ARMH3: variants seen among roughly 807,000 people sequenced by gnomAD.
ARMH3 encodes armadillo-like helical domain-containing protein 3.
Under a neutral mutation model 99.1 loss-of-function variants are expected in ARMH3, and 60 were observed. That is an observed-to-expected ratio of 0.61 (90% CI 0.49 to 0.75). The LOEUF (loss-of-function observed/expected upper bound fraction) is 0.75, where lower values mean the gene tolerates loss of function less well. Among genes scored for constraint, ARMH3 ranks in the 30% least tolerant of loss-of-function variants. The probability of loss-of-function intolerance (pLI) is 0.00; values close to 1 mark genes in which losing one functional copy is unlikely to be tolerated. For synonymous variants in ARMH3, 285 were observed against 292.8 expected (o/e 0.97, Z 0.27); for missense variants, 679 against 843.1 (o/e 0.81, Z 2.41).
At chr10:102,034,945 TAAGTA>T (rs2136218199) in intron 2 of ARMH3, among the ~76,000 whole-genome samples, 1 of 151,566 alleles carries the variant, frequency 6.6e-6, no homozygotes, top group African/African-American at 2.4e-5. Flanking sequence ...TAAAAATAAA[TAAGTA>T]AATAGGCCAG....
chr10:101,945,822 T>C (rs910611886), intron 22 of ARMH3, among the ~76,000 whole-genome samples: 10 of 150,180 alleles, frequency 6.7e-5, no homozygotes, highest in African/African-American at 2.0e-4. Context: ...GTGGCTCATG[T>C]CTGTAATCCC....
At chr10:101,890,850 T>A (rs2067672104) in intron 23 of ARMH3, among the ~76,000 whole-genome samples, 2 of 151,980 alleles carry the variant, frequency 1.3e-5, no homozygotes, top group South Asian at 4.2e-4. Context: ...ACAGGGGACA[T>A]TCTACAGGAT....
intron 2 of ARMH3, among the ~76,000 whole-genome samples, chr10:102,036,806 C>T (rs1364238028): frequency 1.3e-5 from 2 of 151,242 alleles, no homozygotes; most frequent in Non-Finnish European, 2.9e-5. Flanking sequence ...ACCTTCCCTC[C>T]ACTATTGTCC....
intron 4 of ARMH3, 149 bp downstream of exon 4, chr10:102,032,877 A>G: frequency 1.2e-6 from 1 of 827,128 alleles, no homozygotes; most frequent in Admixed American, 3.0e-5. Context: ...AGATGGCTAA[A>G]CAAACGTGGC....
chr10:101,888,519 T>G (rs551124827), intron 24 of ARMH3, among the ~76,000 whole-genome samples: 1 of 152,158 alleles, frequency 6.6e-6, no homozygotes, highest in Non-Finnish European at 1.5e-5. Flanking sequence ...CTGAATAGCT[T>G]TGAGGAACAC....
intron 1 of ARMH3, among the ~76,000 whole-genome samples, chr10:102,047,788 T>C (rs923615952): frequency 1.3e-5 from 2 of 152,056 alleles, no homozygotes; most frequent in South Asian, 2.1e-4. Context: ...GTGCCTAGCT[T>C]GGGTCTACAT....
rs117088847 is a variant in ARMH3, at chr10:101,865,487, G to A, written c.1861-15595C>T. Reference sequence around the variant, plus strand: ...TAACTGTAGTACCTACTGTACTACCGTAATTTTTTTTTCTTTTTTGAGACA... The same window carrying A: ...TAACTGTAGTACCTACTGTACTACCATAATTTTTTTTTCTTTTTTGAGACA... On this transcript the variant is annotated intron_variant, in intron 24 of 25. Transcript: ENST00000370033. 8.6e-3 allele frequency among the ~76,000 whole-genome samples: 1,301 copies of A among 151,996 alleles called. 58 individuals carry two copies. Among genetic ancestry groups the A allele is most frequent in the Admixed American group, 0.068 (1,039 of 15,264 alleles).
chr10:101,886,038 C>A (rs1187181173), intron 24 of ARMH3, among the ~76,000 whole-genome samples: 1 of 144,600 alleles, frequency 6.9e-6, no homozygotes, highest in African/African-American at 2.6e-5. Flanking sequence ...GCCTGGGCAA[C>A]AAGGGCAAGA....
chr10:102,006,548 G>A lies in ARMH3; in HGVS notation c.1040C>T (p.Ser347Phe). ...AGTGGTGGTGGGCTCACCATCAGAG[G>A]AAGGCGGTGTGGTCCCAAGTGGTGT... ...PVTPLGTTPP[S>F]SDVISSVELP... is the part of the protein sequence containing the mutation. Residue 347 changes from serine (S) to phenylalanine (F), a missense_variant, in exon 14 of 26, where the codon TCC becomes TTC. This residue lies in a region of ARMH3 where 389 missense variants were observed against 456.5 expected (regional missense o/e 0.85). Transcript: ENST00000370033. 1 of 1,613,696 alleles carries A rather than the reference G, an allele frequency of 6.2e-7. No individual in the cohort carries two copies. Among genetic ancestry groups the A allele is most frequent in the Non-Finnish European group, 8.5e-7 (1 of 1,179,608 alleles).
rs1041358159 is a variant in ARMH3, at chr10:101,872,419, G to A, written c.1860+16993C>T. ...GGCCACATAAAAAGCTGCTCTAGCCGGGCACAGTGGCTCATGTCTGTAATC... is the reference window on the plus strand; with the variant it reads ...GGCCACATAAAAAGCTGCTCTAGCCAGGCACAGTGGCTCATGTCTGTAATC... On this transcript the variant is annotated intron_variant, in intron 24 of 25. Coordinates refer to ENST00000370033, the MANE Select transcript of ARMH3 (RefSeq NM_024541.3). Among the ~76,000 whole-genome samples the A allele has an allele frequency of 3.3e-5, 5 of 152,162 alleles. No homozygotes were observed. The East Asian group carries it at 7.7e-4, about 23-fold the overall frequency.
intron 22 of ARMH3, among the ~76,000 whole-genome samples, chr10:101,950,599 T>G (rs1387532397): frequency 3.9e-5 from 6 of 152,238 alleles, no homozygotes; most frequent in African/African-American, 1.4e-4. Flanking sequence ...CCATACAATG[T>G]AATATTGTTC....
chr10:101,990,442 A>G, intron 19 of ARMH3, 109 bp downstream of exon 19: 2 of 752,120 alleles, frequency 2.7e-6, no homozygotes, highest in East Asian at 5.5e-5. Flanking sequence ...AGGTGCTGGT[A>G]TTACAGGCGT....
intron 24 of ARMH3, among the ~76,000 whole-genome samples, chr10:101,870,168 T>C (rs1274092793): frequency 6.6e-6 from 1 of 152,228 alleles, no homozygotes; most frequent in Non-Finnish European, 1.5e-5. Flanking sequence ...ACTCATATCA[T>C]GAATTTGAGA....
intron 24 of ARMH3, among the ~76,000 whole-genome samples, chr10:101,875,513 T>A (rs926662522): frequency 1.3e-5 from 2 of 152,090 alleles, no homozygotes; most frequent in African/African-American, 2.4e-5. Flanking sequence ...GGCAGAAGGT[T>A]TTTTCCCCCC....
rs2066490028 is a variant in ARMH3 at position 101,847,557 on chromosome 10, G to A, written c.2041C>T (p.Leu681=). The change falls in exon 26 of 26, where the codon CTG becomes TTG. Residue 681 remains leucine, a synonymous_variant. Transcript: ENST00000370033. The part of the protein sequence containing the change: ...LAFHTLSQEV[L]LKEFSTIS ...GAGATAGTGGAGAACTCCTTGAGCA[G>A]GACTTCTTGGCTGAGTGTGTGGAAG... 1.2e-6 allele frequency: 2 copies of A among 1,614,080 alleles called. No individual in the cohort carries two copies. Among genetic ancestry groups the A allele is most frequent in the Non-Finnish European group, 1.7e-6 (2 of 1,180,036 alleles).
At chr10:101,857,301 T>C (rs1457616790) in intron 24 of ARMH3, among the ~76,000 whole-genome samples, 1 of 152,004 alleles carries the variant, frequency 6.6e-6, no homozygotes, top group African/African-American at 2.4e-5. Flanking sequence ...CTACTAAAAA[T>C]ACAAAAATTT....
At chr10:102,039,934 G>T in intron 2 of ARMH3, 79 bp downstream of exon 2, 1 of 1,337,252 alleles carries the variant, frequency 7.5e-7, no homozygotes, top group Non-Finnish European at 1.1e-6. Flanking sequence ...GAAGGTAGCA[G>T]GCAGAGGTAA....
In ARMH3 at chr10:101,849,637, G is replaced by C. The variant is rs2066540096; in HGVS notation, c.1977+139C>G. The C allele has an allele frequency of 1.5e-5, 10 of 683,128 alleles. No individual in the cohort carries two copies. The Admixed American group carries it at 1.8e-4, about 13-fold the overall frequency. 42.3% of individuals were successfully genotyped at this position (683,128 alleles called of 1,614,324 possible). On this transcript the variant is annotated intron_variant, in intron 25 of 25. Coordinates refer to ENST00000370033, the MANE Select transcript of ARMH3 (RefSeq NM_024541.3). ...ATCTTCTCTTACTGCCTGGTACAAT[G>C]GGGGAGAGAAGTTGCATACCCCATC... is the stretch of plus-strand genomic sequence containing the variant.
At chr10:101,988,743 T>A (rs969638927) in intron 19 of ARMH3, among the ~76,000 whole-genome samples, 1 of 151,992 alleles carries the variant, frequency 6.6e-6, no homozygotes, top group African/African-American at 2.4e-5. Context: ...GCCAATGTGG[T>A]GAAACCCTGT....
Sources: allele counts gnomAD v4.1 joint callset (sites outside exome capture counted in the v4.1 genomes callset), GRCh38; gene constraint gnomAD v4.1.1; regional missense constraint gnomAD v4.1.1; transcripts MANE v1.5; gene names NCBI Gene and HGNC (gene_info 2026-07-23, HGNC 2026-07-21).